ELP1: variants seen among roughly 807,000 people sequenced by gnomAD.
The protein encoded by ELP1 is elongator complex protein 1.
In ELP1, 131 loss-of-function variants were observed where a neutral mutation model predicts 183.2. That is an observed-to-expected ratio of 0.72 (90% CI 0.62 to 0.83). The LOEUF is 0.83. ELP1 is among the 40% of genes least tolerant of loss of function. The probability of loss-of-function intolerance (pLI) is 0.00; values close to 1 mark genes in which losing one functional copy is unlikely to be tolerated. For missense variants in ELP1, 1,550 were observed against 1,594.9 expected, an observed-to-expected ratio of 0.97 and a Z score of 0.48; for synonymous variants, 555 against 569.0, an observed-to-expected ratio of 0.98 and a Z score of 0.35.
intron 3 of ELP1, among the ~76,000 whole-genome samples, chr9:108,927,822 C>T (rs912747842): frequency 2.6e-5 from 4 of 151,950 alleles, no homozygotes; most frequent in Non-Finnish European, 4.4e-5. Flanking sequence ...CTTATTTGTG[C>T]GATCTAAAAA....
Position 108,919,325 on chromosome 9 carries a change from C to A in ELP1, c.577G>T (p.Asp193Tyr). The part of the protein sequence containing the change: ...QMHESALPWD[D>Y]HRPQVTWRGD... ...CGCCAGGTAACTTGTGGTCTATGGTCATCCCAGGGCAAAGCAGACTCATGC... is the reference window on the plus strand; with the variant it reads ...CGCCAGGTAACTTGTGGTCTATGGTAATCCCAGGGCAAAGCAGACTCATGC... Residue 193 changes from aspartate to tyrosine, a missense_variant, in exon 7 of 37, where the codon GAC becomes TAC. Physicochemically the swap from Asp to Tyr is radical, Grantham distance 160. Coordinates refer to ENST00000374647, the MANE Select transcript of ELP1 (RefSeq NM_003640.5). The A allele has an allele frequency of 6.2e-7, 1 of 1,613,690 alleles. No homozygotes were observed. The highest frequency in any genetic ancestry group is 1.1e-5 in the South Asian group (1 of 91,042).
Position 108,911,119 on chromosome 9 carries a change from T to C in ELP1, c.1251A>G (p.Gln417=), listed in dbSNP as rs763812233. ...TVVPPPMCTY[Q]LLFPHPVNQV... ...GATTCACAGGGTGTGGGAACAGCAG[T>C]TGGTAGGTGCACATGGGAGGCGGAA... Residue 417 remains glutamine, a synonymous_variant, in exon 12 of 37, where the codon CAA becomes CAG. Transcript: ENST00000374647. 29 of 1,613,922 alleles carry C rather than the reference T, an allele frequency of 1.8e-5. No individual in the cohort carries two copies. Among genetic ancestry groups the C allele is most frequent in the Admixed American group, 8.3e-5 (5 of 59,992 alleles).
At chr9:108,884,100 T>C (rs1057133297) in intron 29 of ELP1, among the ~76,000 whole-genome samples, 6 of 151,760 alleles carry the variant, frequency 4.0e-5, no homozygotes, top group Admixed American at 6.6e-5. Flanking sequence ...GAAAAAGATA[T>C]GCAATGAAAA....
Position 108,911,250 on chromosome 9 carries a change from T to C in ELP1, c.1190-70A>G, listed in dbSNP as rs1829213504. On this transcript the variant is annotated intron_variant, in intron 11 of 36. Coordinates refer to ENST00000374647, the MANE Select transcript of ELP1 (RefSeq NM_003640.5). The stretch of plus-strand genomic sequence containing the variant: ...ATTTGTAAGATAAGCCATCTGAACA[T>C]CACAGTATATCTAAACAATAATGGC... 9 of 1,366,534 alleles carry C rather than the reference T, an allele frequency of 6.6e-6. No homozygotes were observed. In the Middle Eastern group the frequency reaches 7.1e-4, roughly 108 times the overall value. The allele number at this position is 1,366,534 out of a possible 1,614,324, so 84.7% of individuals were successfully genotyped here. A position where few individuals can be genotyped will look rare whatever the true frequency, so the allele number is the denominator to read the frequency against.
At chr9:108,930,291 A>C (rs1281855460) in intron 2 of ELP1, among the ~76,000 whole-genome samples, 1 of 152,196 alleles carries the variant, frequency 6.6e-6, no homozygotes, top group East Asian at 1.9e-4. Flanking sequence ...TAATCAAGGG[A>C]CCATATCAAA....
Position 108,893,110 on chromosome 9 carries a change from C to T in ELP1, c.2861-27G>A, listed in dbSNP as rs776569683. 2.7e-6 allele frequency: 4 copies of T among 1,509,362 alleles called. No homozygotes were observed. The South Asian group carries it at 4.5e-5, about 17-fold the overall frequency. 93.5% of individuals were successfully genotyped at this position (1,509,362 alleles called of 1,614,324 possible). ...TGCAGGAAAAAGATTCACACAAAGA[C>T]AGGCTTAAGACATGGGAAGCATAAT... On this transcript the variant is annotated intron_variant, in intron 26 of 36. Transcript: ENST00000374647.
Position 108,897,273 on chromosome 9 carries a change from G to T in ELP1, c.2376C>A (p.Val792=), listed in dbSNP as rs777521036. The T allele has an allele frequency of 6.2e-7, 1 of 1,614,034 alleles. No homozygotes were observed. Among genetic ancestry groups the T allele is most frequent in the Admixed American group, 1.7e-5 (1 of 60,012 alleles). Residue 792 remains valine, a synonymous_variant, in exon 23 of 37, where the codon GTC becomes GTA. Coordinates refer to ENST00000374647, the MANE Select transcript of ELP1 (RefSeq NM_003640.5). ...CTGGTGCAGGGTACATGGTCTTCGTGACATCTTCTTCTCTAAGAACAGGTG... is the reference window on the plus strand; with the variant it reads ...CTGGTGCAGGGTACATGGTCTTCGTTACATCTTCTTCTCTAAGAACAGGTG... ...LFFTELKEED[V]TKTMYPAPVT...
chr9:108,908,481 T>G, intron 12 of ELP1, 77 bp from the exon 13 acceptor site: 1 of 1,081,934 alleles, frequency 9.2e-7, no homozygotes, highest in Non-Finnish European at 1.4e-6. Flanking sequence ...GTGTCTGCAA[T>G]TAATGAGTTC....
rs113767921 is a variant in ELP1, at chr9:108,877,976, C to T, written c.3855+19G>A. The T allele has an allele frequency of 5.0e-5, 81 of 1,613,816 alleles. No homozygotes were observed. The African/African-American group carries it at 9.1e-4, about 18-fold the overall frequency. On this transcript the variant is annotated intron_variant, in intron 35 of 36. Coordinates refer to ENST00000374647, the MANE Select transcript of ELP1 (RefSeq NM_003640.5). ...TGAAAATGATGAAAAAAATGCACAC[C>T]GTCTCTGAGAAAACTTACCGGGGTA... is the stretch of plus-strand genomic sequence containing the variant.
At chr9:108,918,746 T>A in intron 8 of ELP1, 65 bp downstream of exon 8, 1 of 1,057,806 alleles carries the variant, frequency 9.5e-7, no homozygotes, top group Non-Finnish European at 1.5e-6. Flanking sequence ...ATCATCTGTA[T>A]CCATGTGTAC....
In ELP1 at chr9:108,899,949, G is replaced by A; in HGVS notation, c.2131-54C>T. ...TAATTAAGTAGAAAACATTTAAATAGCCAGGATACACCATTTTACCTAACT... is the reference window on the plus strand; with the variant it reads ...TAATTAAGTAGAAAACATTTAAATAACCAGGATACACCATTTTACCTAACT... On this transcript the variant is annotated intron_variant, in intron 19 of 36. Transcript: ENST00000374647. The A allele has an allele frequency of 3.6e-6, 5 of 1,387,266 alleles. No individual in the cohort carries two copies. In the South Asian group the frequency reaches 5.8e-5, roughly 16 times the overall value. The allele number at this position is 1,387,266 out of a possible 1,614,324, so 85.9% of individuals were successfully genotyped here.
At chr9:108,884,403 T>C (rs1828044989) in intron 29 of ELP1, among the ~76,000 whole-genome samples, 1 of 152,202 alleles carries the variant, frequency 6.6e-6, no homozygotes, top group Admixed American at 6.5e-5. Context: ...CAACCTAATC[T>C]AACTGACATT....
rs1827870944 is a variant in ELP1 at position 108,880,147 on chromosome 9, G to A, written c.3365C>T (p.Ala1122Val). 1.2e-6 allele frequency: 2 copies of A among 1,612,950 alleles called. No individual in the cohort carries two copies. Among genetic ancestry groups the A allele is most frequent in the African/African-American group, 2.7e-5 (2 of 74,900 alleles). ...SILEAQKNYM[A>V]FLDSQTATFS... ...TGTGGCTGTCTGAGAGTCCAGAAAT[G>A]CCATATAATTTTTCTGGGCTGGAGA... Residue 1122 changes from alanine to valine, a missense_variant, in exon 32 of 37, where the codon GCA becomes GTA. Physicochemically the swap from Ala to Val is moderately conservative, Grantham distance 64. Coordinates refer to ENST00000374647, the MANE Select transcript of ELP1 (RefSeq NM_003640.5).
intron 29 of ELP1, among the ~76,000 whole-genome samples, chr9:108,884,702 C>A (rs753938012): frequency 6.6e-6 from 1 of 152,098 alleles, no homozygotes; most frequent in African/African-American, 2.4e-5. Context: ...ATTTGTATAA[C>A]ATAACTAAAA....
rs759209952 is a variant in ELP1 at position 108,897,118 on chromosome 9, A to G, written c.2501+30T>C. 27 of 1,614,142 alleles carry G rather than the reference A, an allele frequency of 1.7e-5. No individual in the cohort carries two copies. In the East Asian group the frequency reaches 5.8e-4, roughly 35 times the overall value. ...GACAACTACACACTTCGGTTTTTCA[A>G]AGGATGCCACCTGGTGACAGCATAC... is the stretch of plus-strand genomic sequence containing the variant. On this transcript the variant is annotated intron_variant, in intron 23 of 36. Transcript: ENST00000374647.
intron 5 of ELP1, 151 bp downstream of exon 5, chr9:108,926,372 G>T: frequency 1.4e-6 from 1 of 700,404 alleles, no homozygotes; most frequent in Non-Finnish European, 2.5e-6. Flanking sequence ...ATTTGGGATG[G>T]GCTGAAGGAA....
In ELP1 at chr9:108,913,642, G is replaced by A. The variant is rs541700930; in HGVS notation, c.959-1148C>T. The stretch of plus-strand genomic sequence containing the variant: ...GTTCTTGTGCAATGTGTGTGTGTGT[G>A]TATATATATATATACATGTTTTTGA... On this transcript the variant is annotated intron_variant, in intron 10 of 36. Transcript: ENST00000374647. 2.8e-4 allele frequency among the ~76,000 whole-genome samples: 42 copies of A among 150,524 alleles called. No homozygotes were observed. The East Asian group carries it at 3.7e-3, about 13-fold the overall frequency.
intron 14 of ELP1, among the ~76,000 whole-genome samples, chr9:108,904,415 G>A (rs1828943908): frequency 6.6e-6 from 1 of 151,924 alleles, no homozygotes; most frequent in African/African-American, 2.4e-5. Flanking sequence ...CTCAAAAGAG[G>A]AGGAAGAGGT....
At chr9:108,922,357 T>C (rs1406782356) in intron 6 of ELP1, among the ~76,000 whole-genome samples, 1 of 152,254 alleles carries the variant, frequency 6.6e-6, no homozygotes. Context: ...TAAAAAGTCC[T>C]GCCTTGAGTC....
Sources: allele counts gnomAD v4.1 joint callset (sites outside exome capture counted in the v4.1 genomes callset), GRCh38; gene constraint gnomAD v4.1.1; transcripts MANE v1.5; gene names NCBI Gene and HGNC (gene_info 2026-07-23, HGNC 2026-07-21).